The following LPIN2 variants were observed in gnomAD, a reference collection of about 807,000 sequenced individuals.
LPIN2 encodes the protein phosphatidate phosphatase LPIN2.
A neutral mutation model predicts 111.4 loss-of-function variants in LPIN2; 55 were observed. The ratio of observed to expected loss-of-function variants is 0.49; its 90% CI spans 0.40 to 0.62. The LOEUF (loss-of-function observed/expected upper bound fraction) is 0.62. Among genes scored for constraint, LPIN2 ranks in the 20% least tolerant of loss-of-function variants. The probability of loss-of-function intolerance (pLI) is 0.00; values close to 1 mark genes in which losing one functional copy is unlikely to be tolerated. For synonymous variants in LPIN2, 425 were observed against 414.0 expected (o/e 1.03, Z -0.32); for missense variants, 992 against 1,112.1 (o/e 0.89, Z 1.54).
chr18:2,926,881 T>C, intron 12 of LPIN2, 76 bp from the exon 13 acceptor site: 1 of 1,164,520 alleles, frequency 8.6e-7, no homozygotes, highest in South Asian at 1.3e-5. Context: ...CAGCCCTCTC[T>C]AGGAAAGAAC....
At position 2,922,452 on chromosome 18, in the gene LPIN2, T is replaced by C. The variant is rs12458532; in HGVS notation, c.2175-253A>G. ...ACCATGCCCGGCTTAATTTTTATATTTTTTAGTAGAGACAGGGTTTCACCA... is the reference window on the plus strand; with the variant it reads ...ACCATGCCCGGCTTAATTTTTATATCTTTTAGTAGAGACAGGGTTTCACCA... On this transcript the variant is annotated intron_variant, in intron 16 of 19. Coordinates refer to ENST00000677752, the MANE Select transcript of LPIN2 (RefSeq NM_001375808.2). Among the ~76,000 whole-genome samples, 57,999 of 151,664 alleles carry C rather than the reference T, an allele frequency of 0.38. 11,421 individuals are homozygous for C. Among genetic ancestry groups the C allele is most frequent in the East Asian group, 0.66 (3,402 of 5,130 alleles).
At chr18:2,989,061 G>A (rs2078225874) in intron 1 of LPIN2, among the ~76,000 whole-genome samples, 1 of 151,740 alleles carries the variant, frequency 6.6e-6, no homozygotes, top group South Asian at 2.1e-4. Context: ...CCATACCCTG[G>A]AATTAATCCT....
intron 10 of LPIN2, among the ~76,000 whole-genome samples, 193 bp downstream of exon 10, chr18:2,928,870 CAG>C (rs752340970): frequency 2.0e-5 from 3 of 152,192 alleles, no homozygotes; most frequent in Non-Finnish European, 4.4e-5. Flanking sequence ...ATCTATCAAA[CAG>C]AGTAACATTT....
intron 1 of LPIN2, among the ~76,000 whole-genome samples, chr18:3,003,015 G>A (rs1222698803): frequency 6.6e-6 from 1 of 152,236 alleles, no homozygotes; most frequent in Non-Finnish European, 1.5e-5. Flanking sequence ...AGACCTAGAG[G>A]TGGATGCGGG....
chr18:2,987,859 T>C (rs2078208793), intron 1 of LPIN2, among the ~76,000 whole-genome samples: 1 of 151,734 alleles, frequency 6.6e-6, no homozygotes, highest in Admixed American at 6.6e-5. Context: ...GCCAACACAG[T>C]GAAACCTCAT....
At chr18:2,936,469 C>A (rs533552889) in intron 7 of LPIN2, among the ~76,000 whole-genome samples, 84 of 152,350 alleles carry the variant, frequency 5.5e-4, no homozygotes, top group Non-Finnish European at 9.0e-4. Flanking sequence ...TATTTTGAGA[C>A]AGGGTCTCAC....
At chr18:3,008,995 G>A (rs551172265) in intron 1 of LPIN2, among the ~76,000 whole-genome samples, 5 of 151,634 alleles carry the variant, frequency 3.3e-5, no homozygotes, top group African/African-American at 4.9e-5. Flanking sequence ...GTCCGGGTGC[G>A]GTGGCTCACG....
chr18:2,957,810 G>A (rs1216335765), intron 2 of LPIN2, among the ~76,000 whole-genome samples: 4 of 152,120 alleles, frequency 2.6e-5, no homozygotes. Context: ...GTAAATTTCT[G>A]TTATCAGCAA....
rs1366753976 is a variant in LPIN2, at chr18:2,945,006, T to C, written c.591-4294A>G. ...TTGTTAACAATTCATATATTCCCCT[T>C]TACTTACTATACTACCTCAGAATTA... is the stretch of plus-strand genomic sequence containing the variant. On this transcript the variant is annotated intron_variant, in intron 4 of 19. Coordinates refer to ENST00000677752, the MANE Select transcript of LPIN2 (RefSeq NM_001375808.2). 2.0e-5 allele frequency among the ~76,000 whole-genome samples: 3 copies of C among 152,180 alleles called. No individual in the cohort carries two copies. The East Asian group carries it at 5.8e-4, about 29-fold the overall frequency.
intron 13 of LPIN2, among the ~76,000 whole-genome samples, chr18:2,926,256 A>G (rs2144137303): frequency 6.6e-6 from 1 of 152,356 alleles, no homozygotes; most frequent in South Asian, 2.1e-4. Context: ...AGAAGCAAGC[A>G]TGCACTGGCC....
intron 1 of LPIN2, among the ~76,000 whole-genome samples, chr18:3,011,152 A>C (rs2078596039): frequency 6.6e-6 from 1 of 152,118 alleles, no homozygotes; most frequent in African/African-American, 2.4e-5. Flanking sequence ...GGCGATGAGA[A>C]CTTCTATTGC....
Position 2,920,837 on chromosome 18 carries a change from T to C in LPIN2, c.2487A>G (p.Ile829Met), listed in dbSNP as rs2077042700. Reference sequence around the variant, plus strand: ...ATTCACCCTTGGGGTTCACGGTGAATATTCTACAGTCTGGAACTCCAACTT... The same window carrying C: ...ATTCACCCTTGGGGTTCACGGTGAACATTCTACAGTCTGGAACTCCAACTT... ...YTQVGVPDCR[I>M]FTVNPKGELI... Residue 829 changes from isoleucine to methionine, a missense_variant, in exon 19 of 20, where the codon ATA becomes ATG. Physicochemically the swap from Ile to Met is conservative, Grantham distance 10. This residue lies in a region of LPIN2 where 185 missense variants were observed against 186.5 expected (regional missense o/e 0.99). Transcript: ENST00000677752. 6.2e-7 allele frequency: 1 copy of C among 1,614,160 alleles called. No individual in the cohort carries two copies. The highest frequency in any genetic ancestry group is 1.3e-5 in the African/African-American group (1 of 75,060).
chr18:2,966,228 C>G (rs534351192), intron 1 of LPIN2, among the ~76,000 whole-genome samples: 1 of 152,198 alleles, frequency 6.6e-6, no homozygotes, highest in Non-Finnish European at 1.5e-5. Flanking sequence ...TGAGCCACCA[C>G]GACTGGCCTC....
In LPIN2 at chr18:2,951,185, T is replaced by C. The variant is rs1568559839; in HGVS notation, c.460A>G (p.Lys154Glu). 1 of 1,614,208 alleles carries C rather than the reference T, an allele frequency of 6.2e-7. No individual in the cohort carries two copies. Residue 154 changes from lysine (K) to glutamate (E), a missense_variant, in exon 4 of 20, where the codon AAG becomes GAG. Transcript: ENST00000677752. ...ETIFTPSSVKKKKRRRKKYKQ... is the reference protein window; with the variant it reads ...ETIFTPSSVKEKKRRRKKYKQ... ...TATTTCTTTCTCCTTCGTTTTTTCT[T>C]TTTCACAGAACTTGGAGTAAAAATT... is the stretch of plus-strand genomic sequence containing the variant.
chr18:2,991,455 G>A (rs1196814817), intron 1 of LPIN2, among the ~76,000 whole-genome samples: 2 of 152,198 alleles, frequency 1.3e-5, no homozygotes, highest in Non-Finnish European at 2.9e-5. Flanking sequence ...GCTCGGCACA[G>A]TGGCTCACAC....
chr18:2,946,043 G>T, intron 4 of LPIN2: 1 of 1,414,140 alleles, frequency 7.1e-7, no homozygotes, highest in Non-Finnish European at 1.0e-6. Flanking sequence ...TCTAGACCCC[G>T]ATATGTCTTT....
intron 1 of LPIN2, among the ~76,000 whole-genome samples, chr18:2,991,678 C>T (rs1187453243): frequency 2.0e-5 from 3 of 152,008 alleles, no homozygotes; most frequent in East Asian, 1.9e-4. Flanking sequence ...TGTCACTACA[C>T]TCCAACCTGA....
chr18:2,975,392 T>C (rs1264826848), intron 1 of LPIN2, among the ~76,000 whole-genome samples: 1 of 152,194 alleles, frequency 6.6e-6, no homozygotes, highest in African/African-American at 2.4e-5. Flanking sequence ...TGGAGTGCAA[T>C]GGTGCAATCT....
chr18:2,948,812 T>C (rs565112281), intron 4 of LPIN2, among the ~76,000 whole-genome samples: 172 of 151,636 alleles, frequency 1.1e-3, no homozygotes, highest in African/African-American at 3.8e-3. Flanking sequence ...AAATTGTTTA[T>C]AATTTTTTTT....
Sources: gnomAD v4.1 joint callset for allele counts (sites outside exome capture counted in the v4.1 genomes callset) on GRCh38, gnomAD v4.1.1 for gene constraint, gnomAD v4.1.1 regional missense constraint, MANE v1.5 for transcripts, NCBI Gene and HGNC (gene_info 2026-07-23, HGNC 2026-07-21) for gene names.